The following FOXP2 variants were observed in gnomAD, a reference collection of about 807,000 sequenced individuals.
The protein encoded by FOXP2 is forkhead box P2.
In FOXP2, 12 loss-of-function variants were observed where a neutral mutation model predicts 115.8. The ratio of observed to expected loss-of-function variants is 0.10; its 90% CI spans 0.07 to 0.17. The LOEUF is 0.17. Among genes scored for constraint, FOXP2 ranks in the 10% least tolerant of loss-of-function variants. The pLI, the probability that FOXP2 is intolerant of heterozygous loss-of-function variation, is 1.00. For synonymous variants in FOXP2, 328 were observed against 297.7 expected, an observed-to-expected ratio of 1.10 and a Z score of -1.05; for missense variants, 629 against 843.5, an observed-to-expected ratio of 0.75 and a Z score of 3.15.
chr7:114,214,766 C>T (rs1001052861), intron 1 of FOXP2, among the ~76,000 whole-genome samples: 16 of 152,166 alleles, frequency 1.1e-4, no homozygotes, highest in African/African-American at 3.9e-4. Context: ...CTTTGCATAA[C>T]TCTGGGCTCA....
chr7:114,244,048 C>T (rs968307262), intron 1 of FOXP2, among the ~76,000 whole-genome samples: 1 of 151,272 alleles, frequency 6.6e-6, no homozygotes, highest in Non-Finnish European at 1.5e-5. Context: ...AGAATGTTTT[C>T]TGTATAGCCA....
chr7:114,537,513 C>A (rs1799455199), intron 3 of FOXP2, among the ~76,000 whole-genome samples: 1 of 151,526 alleles, frequency 6.6e-6, no homozygotes, highest in African/African-American at 2.4e-5. Context: ...TTAACATTCA[C>A]CTGAATTTCT....
rs143974691 is a variant in FOXP2, at chr7:114,368,274, T to C, written c.-10-58228T>C. On this transcript the variant is annotated intron_variant, in intron 2 of 17. Coordinates refer to the FOXP2 transcript ENST00000634411. ...AAAATTGGGTATTTCATACAGAACA[T>C]TGAGAACACTAACTGGTATCACTAT... Among the ~76,000 whole-genome samples the C allele has an allele frequency of 2.4e-3, 359 of 152,256 alleles. 2 individuals carry two copies. Among genetic ancestry groups the C allele is most frequent in the African/African-American group, 8.0e-3 (334 of 41,558 alleles).
At chr7:114,194,838 G>A (rs1345382778) in intron 1 of FOXP2, among the ~76,000 whole-genome samples, 1 of 151,864 alleles carries the variant, frequency 6.6e-6, no homozygotes, top group Admixed American at 6.6e-5. Flanking sequence ...AGGATTAGCT[G>A]GAATACATTT....
chr7:114,308,020 C>T (rs896296988), intron 2 of FOXP2, among the ~76,000 whole-genome samples: 1 of 152,070 alleles, frequency 6.6e-6, no homozygotes, highest in African/African-American at 2.4e-5. Context: ...TGTTCCTCAC[C>T]TCTCACCTTC....
chr7:114,426,365 G>A (rs1227470936), intron 1 of FOXP2, 137 bp from the exon 2 acceptor site: 4 of 755,626 alleles, frequency 5.3e-6, no homozygotes, highest in Admixed American at 4.6e-5. Flanking sequence ...TGCTTTCCTT[G>A]GTAAATGACT....
At chr7:114,476,497 G>T (rs1403384364) in intron 2 of FOXP2, among the ~76,000 whole-genome samples, 1 of 151,960 alleles carries the variant, frequency 6.6e-6, no homozygotes, top group Non-Finnish European at 1.5e-5. Context: ...TTTTATATCA[G>T]TACCATGCTG....
At chr7:114,267,323 C>G (rs1795918152) in intron 1 of FOXP2, among the ~76,000 whole-genome samples, 1 of 152,138 alleles carries the variant, frequency 6.6e-6, no homozygotes, top group Non-Finnish European at 1.5e-5. Context: ...CAAAGAACAT[C>G]TTCCATTACT....
At chr7:114,236,508 A>G (rs1332767369) in intron 1 of FOXP2, among the ~76,000 whole-genome samples, 1 of 152,214 alleles carries the variant, frequency 6.6e-6, no homozygotes, top group Non-Finnish European at 1.5e-5. Context: ...TTGTAAATGT[A>G]TAGCTATAGA....
intron 1 of FOXP2, among the ~76,000 whole-genome samples, chr7:114,153,998 A>G (rs1792593070): frequency 6.6e-6 from 1 of 152,126 alleles, no homozygotes; most frequent in Non-Finnish European, 1.5e-5. Context: ...GAACAATTGT[A>G]TTTGTATTTT....
At chr7:114,088,136 C>G (rs1255971911) in intron 1 of FOXP2, 1 of 148,450 alleles carries the variant, frequency 6.7e-6, no homozygotes, top group East Asian at 2.1e-4. Flanking sequence ...CCCCTCCACA[C>G]ACATACACAC....
chr7:114,481,243 C>A (rs982824378), intron 2 of FOXP2, among the ~76,000 whole-genome samples: 6 of 151,032 alleles, frequency 4.0e-5, no homozygotes, highest in Admixed American at 3.3e-4. Flanking sequence ...CTCCTGCCCC[C>A]TCATGTACAT....
chr7:114,361,807 G>A lies in FOXP2; in HGVS notation c.-10-64695G>A, dbSNP rs755079470. Among the ~76,000 whole-genome samples the A allele has an allele frequency of 5.8e-4, 88 of 151,972 alleles. 1 individual carries two copies. Among genetic ancestry groups the A allele is most frequent in the Non-Finnish European group, 3.7e-4 (25 of 67,920 alleles). Reference sequence around the variant, plus strand: ...GCCCACTCCAAAAAAGCAGCTAAGTGGCTTATGGAATGCATTTTTTCCCCT... The same window carrying A: ...GCCCACTCCAAAAAAGCAGCTAAGTAGCTTATGGAATGCATTTTTTCCCCT... On this transcript the variant is annotated intron_variant, in intron 2 of 17. Transcript: ENST00000634411.
At chr7:114,546,578 G>A (rs1799936274) in intron 3 of FOXP2, among the ~76,000 whole-genome samples, 1 of 151,830 alleles carries the variant, frequency 6.6e-6, no homozygotes, top group Non-Finnish European at 1.5e-5. Flanking sequence ...CTTCTCATCT[G>A]TTTAGAAGGT....
Position 114,690,014 on chromosome 7 carries a change from C to G in FOXP2, c.*88C>G, listed in dbSNP as rs779080984. On this transcript the variant is annotated 3_prime_UTR_variant, in exon 17 of 17. Coordinates refer to ENST00000350908, the MANE Select transcript of FOXP2 (RefSeq NM_014491.4). ...ACCATGAATATTTGACAAATTTTTA[C>G]TGTGACTATTTATTAAGCATGGATA... The G allele has an allele frequency of 2.0e-6, 3 of 1,502,544 alleles. No homozygotes were observed. The highest frequency in any genetic ancestry group is 1.8e-6 in the Non-Finnish European group (2 of 1,088,254). The allele number at this position is 1,502,544 out of a possible 1,614,324, so 93.1% of individuals were successfully genotyped here. A position where few individuals can be genotyped will look rare whatever the true frequency, so the allele number is the denominator to read the frequency against.
At chr7:114,662,643 C>G (rs982059447) in intron 14 of FOXP2, among the ~76,000 whole-genome samples, 1 of 151,998 alleles carries the variant, frequency 6.6e-6, no homozygotes, top group African/African-American at 2.4e-5. Flanking sequence ...TTCTCAAATA[C>G]TCTCATTTTC....
At chr7:114,355,860 C>T (rs149821638) in intron 2 of FOXP2, among the ~76,000 whole-genome samples, 1 of 152,146 alleles carries the variant, frequency 6.6e-6, no homozygotes, top group Non-Finnish European at 1.5e-5. Context: ...CCTAGGCTCC[C>T]TACTTTGTTA....
intron 8 of FOXP2, among the ~76,000 whole-genome samples, chr7:114,646,687 A>G (rs1805920941): frequency 6.6e-6 from 1 of 152,028 alleles, no homozygotes; most frequent in Non-Finnish European, 1.5e-5. Context: ...AATTCTGTTA[A>G]CAGAGCTAAT....
chr7:114,284,995 T>G (rs1215024438), intron 1 of FOXP2, among the ~76,000 whole-genome samples: 2 of 151,742 alleles, frequency 1.3e-5, no homozygotes, highest in Non-Finnish European at 2.9e-5. Context: ...CATAGACGCA[T>G]AAAGGGGAAC....
Sources: gnomAD v4.1 joint callset for allele counts (sites outside exome capture counted in the v4.1 genomes callset) on GRCh38, gnomAD v4.1.1 for gene constraint, MANE v1.5 for transcripts, NCBI Gene and HGNC (gene_info 2026-07-23, HGNC 2026-07-21) for gene names.